Variants in RBFOX1 observed in about 807,000 individuals in gnomAD.
RBFOX1 encodes the protein RNA binding fox-1 homolog 1, also known as RNA binding protein fox-1 homolog 1.
RBFOX1 carries 8 observed loss-of-function variants against 57.7 expected under a neutral mutation model. The observed-to-expected ratio is 0.14, with a 90% CI of 0.08 to 0.25. The LOEUF is 0.25. Ranked by LOEUF, RBFOX1 falls within the 10% of genes least tolerant of loss-of-function variation. RBFOX1 has a pLI of 1.00. For synonymous variants in RBFOX1, 326 were observed against 222.4 expected, an observed-to-expected ratio of 1.47 and a Z score of -4.15; for missense variants, 611 against 548.5, an observed-to-expected ratio of 1.11 and a Z score of -1.14.
At chr16:7,072,833 G>A (rs773949950) in intron 4 of RBFOX1, among the ~76,000 whole-genome samples, 1 of 152,228 alleles carries the variant, frequency 6.6e-6, no homozygotes, top group Non-Finnish European at 1.5e-5. Flanking sequence ...ATTCCTGGGA[G>A]GAACGTCTTG....
At chr16:7,349,178 G>C (rs2097079665) in intron 4 of RBFOX1, among the ~76,000 whole-genome samples, 2 of 152,102 alleles carry the variant, frequency 1.3e-5, no homozygotes, top group African/African-American at 4.8e-5. Flanking sequence ...GCTCATTTTA[G>C]GACTAAAACT....
At chr16:5,762,969 G>T (rs1597147704) in intron 3 of RBFOX1, among the ~76,000 whole-genome samples, 1 of 152,136 alleles carries the variant, frequency 6.6e-6, no homozygotes, top group Non-Finnish European at 1.5e-5. Flanking sequence ...CACTGTGAAT[G>T]ATTTTTTAAT....
intron 3 of RBFOX1, among the ~76,000 whole-genome samples, chr16:6,765,632 C>G (rs76349416): frequency 3.3e-5 from 5 of 152,126 alleles, no homozygotes; most frequent in Non-Finnish European, 7.4e-5. Flanking sequence ...TTCGGTACAG[C>G]AATCACTCTA....
intron 4 of RBFOX1, among the ~76,000 whole-genome samples, chr16:7,128,198 A>G (rs2151928503): frequency 1.3e-5 from 2 of 152,336 alleles, no homozygotes; most frequent in East Asian, 3.9e-4. Context: ...ATTTTCTTTC[A>G]AAGAATAATA....
At chr16:5,694,146 T>A (rs190281949) in intron 3 of RBFOX1, among the ~76,000 whole-genome samples, 14 of 152,312 alleles carry the variant, frequency 9.2e-5, no homozygotes, top group Admixed American at 8.5e-4. Flanking sequence ...AACATTGTGC[T>A]AAACCAAAAT....
rs537837894 is a variant in RBFOX1 at position 5,853,811 on chromosome 16, A to G, written c.319-13492A>G. Among the ~76,000 whole-genome samples, 26 of 152,274 alleles carry G rather than the reference A, an allele frequency of 1.7e-4. 1 individual carries two copies. Among genetic ancestry groups the G allele is most frequent in the Admixed American group, 2.6e-4 (4 of 15,298 alleles). On this transcript the variant is annotated intron_variant, in intron 3 of 19. Transcript: ENST00000641259. ...CCCTCTGTCACCCAGGCTGGAGTAT[A>G]GCGGTTCAATCATAACTCACTGCAG...
At chr16:5,292,334 TGAG>T (rs1403847849) in intron 1 of RBFOX1, among the ~76,000 whole-genome samples, 1 of 152,212 alleles carries the variant, frequency 6.6e-6, no homozygotes, top group Non-Finnish European at 1.5e-5. Context: ...AAGGAAAAGT[TGAG>T]GAGTGCCTCT....
intron 2 of RBFOX1, among the ~76,000 whole-genome samples, chr16:6,482,829 A>C (rs2095393340): frequency 6.6e-6 from 1 of 152,208 alleles, no homozygotes; most frequent in African/African-American, 2.4e-5. Context: ...AGTCATAAAT[A>C]CTGTCCCGTG....
intron 12 of RBFOX1, among the ~76,000 whole-genome samples, chr16:7,658,445 A>T (rs1395546999): frequency 1.3e-5 from 2 of 152,096 alleles, no homozygotes; most frequent in African/African-American, 4.8e-5. Context: ...CCTGGACTCA[A>T]TTTGACTGAG....
chr16:7,304,255 A>G, intron 4 of RBFOX1: 1 of 982,402 alleles, frequency 1.0e-6, no homozygotes, highest in Non-Finnish European at 1.2e-6. Flanking sequence ...AGACAGCGCG[A>G]GCCACCGGTC....
At chr16:5,961,368 C>G (rs1365817865) in intron 4 of RBFOX1, among the ~76,000 whole-genome samples, 1 of 152,076 alleles carries the variant, frequency 6.6e-6, no homozygotes, top group African/African-American at 2.4e-5. Context: ...TCCAAAATTA[C>G]TCAATAGCAA....
intron 5 of RBFOX1, among the ~76,000 whole-genome samples, chr16:7,556,994 T>C (rs1357927623): frequency 6.6e-6 from 1 of 152,236 alleles, no homozygotes; most frequent in African/African-American, 2.4e-5. Flanking sequence ...CCTCATCATA[T>C]GGATATCATG....
chr16:7,216,629 G>A (rs1282632872), intron 4 of RBFOX1, among the ~76,000 whole-genome samples: 1 of 151,966 alleles, frequency 6.6e-6, no homozygotes, highest in Non-Finnish European at 1.5e-5. Context: ...CTGTACTCCA[G>A]CCTGGGCAAC....
intron 4 of RBFOX1, among the ~76,000 whole-genome samples, chr16:7,132,550 A>G (rs932274082): frequency 6.6e-6 from 1 of 151,780 alleles, no homozygotes; most frequent in Non-Finnish European, 1.5e-5. Context: ...GGTGCCTTGC[A>G]TAATGGTGAG....
intron 1 of RBFOX1, among the ~76,000 whole-genome samples, chr16:5,345,510 G>A (rs1392458621): frequency 1.3e-5 from 2 of 152,218 alleles, no homozygotes; most frequent in African/African-American, 4.8e-5. Context: ...CAGCCCCCAA[G>A]CCCTGGGGCA....
chr16:5,309,563 A>G (rs986946063), intron 1 of RBFOX1, among the ~76,000 whole-genome samples: 5 of 152,110 alleles, frequency 3.3e-5, no homozygotes, highest in Admixed American at 2.0e-4. Flanking sequence ...TGTTACATAG[A>G]TATATTGCAT....
At chr16:6,553,790 A>G (rs2097039367) in intron 2 of RBFOX1, among the ~76,000 whole-genome samples, 1 of 152,150 alleles carries the variant, frequency 6.6e-6, no homozygotes, top group Non-Finnish European at 1.5e-5. Flanking sequence ...AGTTTCCTAA[A>G]GGGTAGAAGG....
intron 4 of RBFOX1, among the ~76,000 whole-genome samples, chr16:7,118,403 C>G (rs2066386390): frequency 6.6e-6 from 1 of 151,986 alleles, no homozygotes; most frequent in African/African-American, 2.4e-5. Flanking sequence ...TGAGAAATGC[C>G]TGTTCAAGTC....
Position 6,019,410 on chromosome 16 carries a change from C to G in RBFOX1, c.-709C>G. On this transcript the variant is annotated 5_prime_UTR_variant, in exon 1 of 16. Coordinates refer to ENST00000550418, the MANE Select transcript of RBFOX1 (RefSeq NM_018723.4). This position sits in a 1 kb window ranked among gnomAD's most constrained non-coding sequence, Gnocchi z 4.2. ...GTTCTCCAAGCAGCGCGGAGGGTGGCGGACGGCGGACGGAGCCCAGGGGCC... is the reference window on the plus strand; with the variant it reads ...GTTCTCCAAGCAGCGCGGAGGGTGGGGGACGGCGGACGGAGCCCAGGGGCC... 5 of 986,644 alleles carry G rather than the reference C, an allele frequency of 5.1e-6. No individual in the cohort carries two copies. The highest frequency in any genetic ancestry group is 6.0e-6 in the Non-Finnish European group (5 of 830,956). 61.1% of individuals were successfully genotyped at this position (986,644 alleles called of 1,614,324 possible). A position where few individuals can be genotyped will look rare whatever the true frequency, so the allele number is the denominator to read the frequency against.
Sources: gnomAD v4.1 joint callset for allele counts (sites outside exome capture counted in the v4.1 genomes callset) on GRCh38, gnomAD v4.1.1 for gene constraint, Gnocchi (gnomAD v3.1) non-coding constraint, MANE v1.5 for transcripts, NCBI Gene and HGNC (gene_info 2026-07-23, HGNC 2026-07-21) for gene names.